Variants in PTPN12 observed in about 807,000 individuals in gnomAD.
PTPN12 encodes the protein protein tyrosine phosphatase non-receptor type 12, also known as tyrosine-protein phosphatase non-receptor type 12.
In PTPN12, 29 loss-of-function variants were observed where a neutral mutation model predicts 97.6. That is an observed-to-expected ratio of 0.30 (90% CI 0.22 to 0.41). PTPN12 has a LOEUF of 0.41. Among genes scored for constraint, PTPN12 ranks in the 10% least tolerant of loss-of-function variants. PTPN12 has a pLI of 1.00. For missense variants in PTPN12, 819 were observed against 926.0 expected (o/e 0.88, Z 1.50); for synonymous variants, 327 against 300.4 (o/e 1.09, Z -0.91).
intron 7 of PTPN12, among the ~76,000 whole-genome samples, chr7:77,598,503 G>A (rs1000914982): frequency 4.6e-5 from 7 of 152,034 alleles, no homozygotes; most frequent in African/African-American, 1.2e-4. Flanking sequence ...CCAACACGGC[G>A]AAGCCCCATC....
chr7:77,618,552 C>G lies in PTPN12; in HGVS notation c.1012C>G (p.Pro338Ala). 1 of 1,602,650 alleles carries G rather than the reference C, an allele frequency of 6.2e-7. No homozygotes were observed. The highest frequency in any genetic ancestry group is 8.5e-7 in the Non-Finnish European group (1 of 1,170,514). The change falls in exon 12 of 18, where the codon CCA becomes GCA. Residue 338 changes from proline to alanine, a missense_variant. Transcript: ENST00000248594. Reference protein sequence around the residue: ...EKQDSPPPKPPRTRSCLVEGD... With the variant: ...EKQDSPPPKPARTRSCLVEGD... Reference sequence around the variant, plus strand: ...ACAAGATTCTCCTCCTCCAAAACCACCAAGGACCCGCAGGTATTGTATGTC... The same window carrying G: ...ACAAGATTCTCCTCCTCCAAAACCAGCAAGGACCCGCAGGTATTGTATGTC...
intron 1 of PTPN12, among the ~76,000 whole-genome samples, chr7:77,558,348 A>G (rs1807826366): frequency 6.6e-6 from 1 of 152,222 alleles, no homozygotes; most frequent in Admixed American, 6.5e-5. Flanking sequence ...GCCACTTCTA[A>G]TAGAATTGAT....
At chr7:77,544,687 A>G (rs1301187924) in intron 1 of PTPN12, among the ~76,000 whole-genome samples, 1 of 152,206 alleles carries the variant, frequency 6.6e-6, no homozygotes, top group East Asian at 1.9e-4. Flanking sequence ...TTAGATTCAT[A>G]AATATTTACA....
At position 77,537,493 on chromosome 7, in the gene PTPN12, C is replaced by T. The variant is rs1417693497; in HGVS notation, c.-54C>T. ...GGGGAAGACGGAGCGGGCTCTGTGC[C>T]GGGCGGGCGGGCGGCGGGGGGGCCA... On this transcript the variant is annotated 5_prime_UTR_variant, in exon 1 of 18. Coordinates refer to ENST00000248594, the MANE Select transcript of PTPN12 (RefSeq NM_002835.4). The T allele has an allele frequency of 1.2e-5, 8 of 662,032 alleles. No homozygotes were observed. The highest frequency in any genetic ancestry group is 9.7e-5 in the African/African-American group (2 of 20,686). 41.0% of individuals were successfully genotyped at this position (662,032 alleles called of 1,614,324 possible).
At chr7:77,556,121 T>C (rs1192654070) in intron 1 of PTPN12, among the ~76,000 whole-genome samples, 2 of 152,088 alleles carry the variant, frequency 1.3e-5, no homozygotes, top group African/African-American at 2.4e-5. Context: ...AGTGCAGTGA[T>C]ACAATCATAG....
chr7:77,559,683 T>A (rs186591809), intron 1 of PTPN12, among the ~76,000 whole-genome samples: 2 of 152,340 alleles, frequency 1.3e-5, no homozygotes, highest in Admixed American at 6.5e-5. Context: ...ATAAATCATA[T>A]TACATAAACT....
chr7:77,538,534 C>T (rs978176820), intron 1 of PTPN12, among the ~76,000 whole-genome samples: 1 of 151,340 alleles, frequency 6.6e-6, no homozygotes, highest in Non-Finnish European at 1.5e-5. Context: ...CTTCCCAGCG[C>T]CCCCCCGCCT....
intron 4 of PTPN12, among the ~76,000 whole-genome samples, chr7:77,584,165 C>G (rs1787611257): frequency 6.6e-6 from 1 of 152,158 alleles, no homozygotes; most frequent in Non-Finnish European, 1.5e-5. Context: ...GAAGAGCTAC[C>G]CTATACTGCT....
At chr7:77,570,009 C>T (rs1233523454) in intron 1 of PTPN12, among the ~76,000 whole-genome samples, 1 of 152,102 alleles carries the variant, frequency 6.6e-6, no homozygotes, top group Non-Finnish European at 1.5e-5. Flanking sequence ...TTTCCTCTGA[C>T]ACATGTATAT....
At chr7:77,596,978 G>A (rs564038287) in intron 6 of PTPN12, among the ~76,000 whole-genome samples, 1 of 118,932 alleles carries the variant, frequency 8.4e-6, no homozygotes, top group African/African-American at 3.2e-5. Flanking sequence ...CACCATTGTG[G>A]TATCATACAG....
chr7:77,599,823 C>T (rs566957803), intron 7 of PTPN12, among the ~76,000 whole-genome samples: 3 of 152,248 alleles, frequency 2.0e-5, no homozygotes, highest in South Asian at 2.1e-4. Context: ...CCGAGTATTG[C>T]TCTTTCTGTT....
chr7:77,638,772 C>T (rs751836804), intron 17 of PTPN12, 41 bp downstream of exon 17: 3 of 1,561,824 alleles, frequency 1.9e-6, no homozygotes, highest in Non-Finnish European at 2.6e-6. Flanking sequence ...GTAGTTAACA[C>T]TGGCAGGAAT....
intron 1 of PTPN12, among the ~76,000 whole-genome samples, chr7:77,557,806 A>G (rs1484473411): frequency 1.3e-5 from 2 of 152,250 alleles, no homozygotes; most frequent in Admixed American, 6.5e-5. Context: ...ACACAGGAAA[A>G]AAATAATCAA....
At chr7:77,571,837 T>C (rs1386015109) in intron 2 of PTPN12, among the ~76,000 whole-genome samples, 1 of 152,090 alleles carries the variant, frequency 6.6e-6, no homozygotes, top group Non-Finnish European at 1.5e-5. Context: ...TGATTACAGG[T>C]GTGAGCCACT....
At chr7:77,625,436 A>G in intron 12 of PTPN12, among the ~76,000 whole-genome samples, 1 of 111,122 alleles carries the variant, frequency 9.0e-6, no homozygotes, top group African/African-American at 3.5e-5. Flanking sequence ...GTATTTGTTA[A>G]AGACACAGGG....
chr7:77,620,432 G>A (rs531304880), intron 12 of PTPN12, among the ~76,000 whole-genome samples: 17 of 152,224 alleles, frequency 1.1e-4, no homozygotes, highest in Admixed American at 3.3e-4. Context: ...ACATGCATAG[G>A]TCACCTTTTT....
chr7:77,609,273 C>CTCTCTT (rs557560724), intron 9 of PTPN12, among the ~76,000 whole-genome samples: 1 of 126,910 alleles, frequency 7.9e-6, no homozygotes, highest in African/African-American at 3.0e-5. Context: ...CTCTCTCTCT[C>CTCTCTT]TTTTTTTTTT....
intron 1 of PTPN12, 39 bp downstream of exon 1, chr7:77,537,684 G>A (rs1806722152): frequency 1.3e-6 from 2 of 1,545,006 alleles, no homozygotes; most frequent in African/African-American, 1.4e-5. Flanking sequence ...TCTTGCCGGC[G>A]CCGGAGCCCA....
intron 1 of PTPN12, among the ~76,000 whole-genome samples, chr7:77,548,376 C>CTAGG (rs1198644519): frequency 1.3e-5 from 2 of 152,176 alleles, no homozygotes; most frequent in Non-Finnish European, 2.9e-5. Context: ...GAAGGGAGTT[C>CTAGG]TAGGTCACAT....
Sources: allele counts gnomAD v4.1 joint callset (sites outside exome capture counted in the v4.1 genomes callset), GRCh38; gene constraint gnomAD v4.1.1; transcripts MANE v1.5; gene names NCBI Gene and HGNC (gene_info 2026-07-23, HGNC 2026-07-21).